The following ABLIM2 variants were observed in gnomAD, a reference collection of about 807,000 sequenced individuals.
ABLIM2 encodes the protein actin-binding LIM protein 2.
In ABLIM2, 53 loss-of-function variants were observed where a neutral mutation model predicts 97.7. The ratio of observed to expected loss-of-function variants is 0.54; its 90% CI spans 0.44 to 0.68. ABLIM2 has a LOEUF of 0.68. ABLIM2 is among the 30% of genes least tolerant of loss of function. The pLI, the probability that ABLIM2 is intolerant of heterozygous loss-of-function variation, is 0.00. For missense variants in ABLIM2, 835 were observed against 867.2 expected, an observed-to-expected ratio of 0.96 and a Z score of 0.47; for synonymous variants, 361 against 345.8, an observed-to-expected ratio of 1.04 and a Z score of -0.49.
chr4:7,969,743 AC>A (rs1726185622), intron 20 of ABLIM2, among the ~76,000 whole-genome samples: 1 of 150,986 alleles, frequency 6.6e-6, no homozygotes, highest in Admixed American at 6.6e-5. Flanking sequence ...ACACACACAC[AC>A]ACACACACAC....
intron 20 of ABLIM2, among the ~76,000 whole-genome samples, chr4:7,980,938 C>CTTTTTT (rs1255215577): frequency 2.1e-4 from 8 of 38,476 alleles, no homozygotes; most frequent in Non-Finnish European, 3.2e-4. Flanking sequence ...TCCACAACCC[C>CTTTTTT]TTATTTTTTT....
Position 7,966,879 on chromosome 4 carries a change from C to CCCCCCCCCCA in ABLIM2, c.*110_*111insTGGGGGGGGG. On this transcript the variant is annotated 3_prime_UTR_variant, in exon 21 of 21. Transcript: ENST00000447017. ...CTGGGGGACCCCCTCCCGCCCACCC[C>CCCCCCCCCCA]ATGGACACAGAGAAGCCAGAGCAAG... The CCCCCCCCCCA allele has an allele frequency of 2.8e-6, 1 of 361,394 alleles. No individual in the cohort carries two copies. Among genetic ancestry groups the CCCCCCCCCCA allele is most frequent in the East Asian group, 5.9e-5 (1 of 16,876 alleles). 22.4% of individuals were successfully genotyped at this position (361,394 alleles called of 1,614,324 possible). A position where few individuals can be genotyped will look rare whatever the true frequency, so the allele number is the denominator to read the frequency against.
At position 8,046,504 on chromosome 4, in the gene ABLIM2, C is replaced by T. The variant is rs556253360; in HGVS notation, c.823-1263G>A. The stretch of plus-strand genomic sequence containing the variant: ...CCAAGAGCTCAGCCCTCACTCTCCC[C>T]ACGGCCCCCACGTCCTCTGCTGCTT... On this transcript the variant is annotated intron_variant, in intron 8 of 20. Transcript: ENST00000447017. The surrounding 1 kb of genome is among the most constrained non-coding windows in gnomAD (Gnocchi z 4.4). 2.0e-5 allele frequency among the ~76,000 whole-genome samples: 3 copies of T among 152,212 alleles called. No individual in the cohort carries two copies. Among genetic ancestry groups the T allele is most frequent in the Non-Finnish European group, 4.4e-5 (3 of 68,038 alleles).
At chr4:8,008,667 G>T (rs1213222296) in intron 15 of ABLIM2, among the ~76,000 whole-genome samples, 1 of 152,258 alleles carries the variant, frequency 6.6e-6, no homozygotes, top group African/African-American at 2.4e-5. Context: ...GAGTTCGGTA[G>T]CTGCATCGGA....
chr4:7,980,938 C>CTTTTTTTTTT (rs1255215577), intron 20 of ABLIM2, among the ~76,000 whole-genome samples: 2 of 38,494 alleles, frequency 5.2e-5, no homozygotes, highest in Non-Finnish European at 1.1e-4. Context: ...TCCACAACCC[C>CTTTTTTTTTT]TTATTTTTTT....
chr4:7,979,014 A>G (rs1157974132), intron 20 of ABLIM2, among the ~76,000 whole-genome samples: 1 of 152,058 alleles, frequency 6.6e-6, no homozygotes, highest in Non-Finnish European at 1.5e-5. Flanking sequence ...TCACCTGCAC[A>G]CTCACTCTGC....
chr4:8,106,441 C>T (rs541794654), intron 2 of ABLIM2, 53 bp downstream of exon 2: 72 of 1,558,950 alleles, frequency 4.6e-5, no homozygotes, highest in Middle Eastern at 1.7e-4. Flanking sequence ...CCAGGATCGC[C>T]GCTGGGAGGC....
At chr4:8,012,007 C>G (rs942409049) in intron 14 of ABLIM2, among the ~76,000 whole-genome samples, 1 of 152,164 alleles carries the variant, frequency 6.6e-6, no homozygotes, top group Non-Finnish European at 1.5e-5. Flanking sequence ...CTTTTACCTA[C>G]TTATCCATGC....
chr4:7,987,126 G>A (rs1744857080), intron 17 of ABLIM2, among the ~76,000 whole-genome samples: 1 of 152,140 alleles, frequency 6.6e-6, no homozygotes, highest in Admixed American at 6.5e-5. Flanking sequence ...ACAGGCGCAT[G>A]CCATCACACT....
At chr4:8,091,439 T>TAA (rs1827885804) in intron 3 of ABLIM2, among the ~76,000 whole-genome samples, 1 of 19,482 alleles carries the variant, frequency 5.1e-5, no homozygotes, top group Non-Finnish European at 1.3e-4. Flanking sequence ...ATATAATTAA[T>TAA]TATGTATTAT....
intron 20 of ABLIM2, among the ~76,000 whole-genome samples, chr4:7,977,321 C>T (rs368461009): frequency 6.6e-6 from 1 of 152,092 alleles, no homozygotes; most frequent in African/African-American, 2.4e-5. Flanking sequence ...TACCCAGTCT[C>T]GGGTATTTCT....
chr4:8,117,721 C>T (rs775111449), intron 1 of ABLIM2, among the ~76,000 whole-genome samples: 8 of 152,134 alleles, frequency 5.3e-5, no homozygotes, highest in African/African-American at 1.4e-4. Flanking sequence ...AAGACCTAAC[C>T]GTACTGGGAT....
chr4:8,088,375 T>A, intron 3 of ABLIM2, 91 bp from the exon 4 acceptor site: 1 of 968,318 alleles, frequency 1.0e-6, no homozygotes, highest in Non-Finnish European at 1.6e-6. Flanking sequence ...AGGGCCAATG[T>A]CTCCCCAGGA....
At chr4:8,106,325 G>C (rs988455498) in intron 2 of ABLIM2, among the ~76,000 whole-genome samples, 169 bp downstream of exon 2, 10 of 152,214 alleles carry the variant, frequency 6.6e-5, no homozygotes, top group Non-Finnish European at 1.5e-4. Flanking sequence ...ATCCACAAGT[G>C]ACAAGGCTAT....
intron 14 of ABLIM2, among the ~76,000 whole-genome samples, chr4:8,010,045 T>C (rs1763929914): frequency 6.6e-6 from 1 of 152,190 alleles, no homozygotes; most frequent in Admixed American, 6.5e-5. Context: ...CGAAGAGCAG[T>C]CAGGAAATGA....
At chr4:7,987,118 AG>A (rs1744846255) in intron 17 of ABLIM2, among the ~76,000 whole-genome samples, 1 of 152,174 alleles carries the variant, frequency 6.6e-6, no homozygotes, top group Non-Finnish European at 1.5e-5. Context: ...GTGGGACTAC[AG>A]GCGCATGCCA....
intron 16 of ABLIM2, chr4:8,007,501 A>G: frequency 1.0e-6 from 1 of 985,558 alleles, no homozygotes; most frequent in East Asian, 1.1e-4. Flanking sequence ...AGCGGCCGGA[A>G]GCAAACAGCA....
chr4:7,971,527 A>T (rs1305620809), intron 20 of ABLIM2, among the ~76,000 whole-genome samples: 1 of 152,156 alleles, frequency 6.6e-6, no homozygotes, highest in Non-Finnish European at 1.5e-5. Flanking sequence ...AGGTTGTGTG[A>T]CTTGCCCAAG....
intron 16 of ABLIM2, chr4:7,993,955 T>C: frequency 2.0e-6 from 1 of 512,456 alleles, no homozygotes; most frequent in Non-Finnish European, 3.9e-6. Flanking sequence ...CAATACCACG[T>C]GATGGGAGAG....
Sources: allele counts gnomAD v4.1 joint callset (sites outside exome capture counted in the v4.1 genomes callset), GRCh38; gene constraint gnomAD v4.1.1; non-coding constraint Gnocchi (gnomAD v3.1); transcripts MANE v1.5; gene names NCBI Gene and HGNC (gene_info 2026-07-23, HGNC 2026-07-21).